Variants in SLC1A4 observed in about 807,000 individuals in gnomAD.
SLC1A4 encodes the protein solute carrier family 1 member 4.
SLC1A4 carries 19 observed loss-of-function variants against 37.7 expected under a neutral mutation model. The observed-to-expected ratio is 0.50, with a 90% confidence interval of 0.35 to 0.74. The LOEUF is 0.74. Ranked by LOEUF, SLC1A4 falls within the 30% of genes least tolerant of loss-of-function variation. SLC1A4 has a pLI of 0.01. For missense variants in SLC1A4, 570 were observed against 712.9 expected, an observed-to-expected ratio of 0.80 and a Z score of 2.28; for synonymous variants, 299 against 309.8, an observed-to-expected ratio of 0.97 and a Z score of 0.37.
rs538900003 is a variant in SLC1A4 at position 65,021,690 on chromosome 2, C to G, written c.*544C>G. On this transcript the variant is annotated 3_prime_UTR_variant, in exon 8 of 8. Transcript: ENST00000234256. ...GCTAGGTGTGGATAGCTTCTGATCC[C>G]TGGGTTCTGGGAGACTGCAGGTGCC... The G allele has an allele frequency of 6.5e-6, 1 of 154,452 alleles. No individual in the cohort carries two copies. The highest frequency in any genetic ancestry group is 2.0e-4 in the South Asian group (1 of 4,940). The allele number at this position is 154,452 out of a possible 1,614,324, so 9.6% of individuals were successfully genotyped here.
chr2:65,006,013 T>C (rs1478094030), intron 3 of SLC1A4, among the ~76,000 whole-genome samples: 2 of 150,534 alleles, frequency 1.3e-5, no homozygotes, highest in South Asian at 2.1e-4. Flanking sequence ...AATAAATAAA[T>C]AGAAAGAAAC....
intron 2 of SLC1A4, among the ~76,000 whole-genome samples, chr2:65,002,859 A>G (rs1199090361): frequency 6.6e-6 from 1 of 152,152 alleles, no homozygotes; most frequent in Non-Finnish European, 1.5e-5. Context: ...TACAGGCGTG[A>G]GCCACTGTGC....
intron 1 of SLC1A4, among the ~76,000 whole-genome samples, chr2:64,995,654 T>C (rs1673227752): frequency 6.6e-6 from 1 of 152,198 alleles, no homozygotes; most frequent in Non-Finnish European, 1.5e-5. Context: ...CTGGCTCTGT[T>C]ACAATAAATA....
chr2:65,018,205 C>T lies in SLC1A4; in HGVS notation c.1169C>T (p.Ala390Val), dbSNP rs150614530. The change falls in exon 6 of 8, where the codon GCG becomes GTG. Residue 390 changes from alanine to valine, a missense_variant. By Grantham distance (64) the Ala-to-Val change is moderately conservative. Coordinates refer to ENST00000234256, the MANE Select transcript of SLC1A4 (RefSeq NM_003038.5). The surrounding 1 kb of genome is among the most constrained non-coding windows in gnomAD (Gnocchi z 4.3). ...DGAAIFQCVA[A>V]VFIAQLNNVE... The stretch of plus-strand genomic sequence containing the variant: ...GCAGCCATCTTCCAGTGTGTGGCCG[C>T]GGTGTTCATTGCGCAACTCAACAAC... 8.1e-6 allele frequency: 13 copies of T among 1,614,064 alleles called. No homozygotes were observed. Among genetic ancestry groups the T allele is most frequent in the African/African-American group, 2.7e-5 (2 of 74,918 alleles).
chr2:64,995,864 C>T (rs1345642121), intron 1 of SLC1A4, among the ~76,000 whole-genome samples: 1 of 152,188 alleles, frequency 6.6e-6, no homozygotes, highest in Non-Finnish European at 1.5e-5. Flanking sequence ...CCACCCTTGA[C>T]AATAGGATCA....
At chr2:65,007,472 G>A (rs917062959) in intron 3 of SLC1A4, among the ~76,000 whole-genome samples, 12 of 152,148 alleles carry the variant, frequency 7.9e-5, no homozygotes, top group African/African-American at 2.9e-4. Context: ...CCCATTCAAT[G>A]CTAAGTCTGC....
chr2:65,014,810 G>A (rs150548611), intron 4 of SLC1A4, among the ~76,000 whole-genome samples: 4 of 152,346 alleles, frequency 2.6e-5, no homozygotes, highest in African/African-American at 9.6e-5. Flanking sequence ...AGTGTCGTTT[G>A]TAACGATAAA....
chr2:65,009,403 AG>A (rs913314167), intron 3 of SLC1A4, among the ~76,000 whole-genome samples: 30 of 152,072 alleles, frequency 2.0e-4, no homozygotes, highest in African/African-American at 6.7e-4. Flanking sequence ...AAAGAAAGAA[AG>A]AAAGAAAAGA....
intron 1 of SLC1A4, among the ~76,000 whole-genome samples, chr2:64,996,006 CT>C (rs1673239174): frequency 6.6e-6 from 1 of 152,162 alleles, no homozygotes; most frequent in Non-Finnish European, 1.5e-5. Context: ...ACCAGTTTTT[CT>C]GTTTGTTTTA....
At chr2:65,001,698 T>C (rs933776700) in intron 2 of SLC1A4, among the ~76,000 whole-genome samples, 1 of 152,150 alleles carries the variant, frequency 6.6e-6, no homozygotes, top group African/African-American at 2.4e-5. Context: ...AACAAAACTT[T>C]CCAAAATGTC....
chr2:65,021,104 G>A lies in SLC1A4; in HGVS notation c.1557G>A (p.Val519=), dbSNP rs775768749. Residue 519 remains valine (V), a synonymous_variant, in exon 8 of 8, where the codon GTG becomes GTA. Coordinates refer to ENST00000234256, the MANE Select transcript of SLC1A4 (RefSeq NM_003038.5). ...CACACCAGAACCCCGCTGGCCCCGT[G>A]GCCAGTGCCCCAGAACTGGAATCCA... The part of the protein sequence containing the change: ...LVTHQNPAGP[V]ASAPELESKE... The A allele has an allele frequency of 1.2e-6, 2 of 1,614,210 alleles. No individual in the cohort carries two copies. The highest frequency in any genetic ancestry group is 3.3e-5 in the Admixed American group (2 of 60,024).
intron 1 of SLC1A4, chr2:65,000,654 T>C (rs1439213911): frequency 6.6e-6 from 1 of 152,238 alleles, no homozygotes; most frequent in Non-Finnish European, 1.5e-5. Flanking sequence ...AACCACCCCA[T>C]AATTTACAAG....
Position 64,990,021 on chromosome 2 carries a change from G to A in SLC1A4, c.378G>A (p.Leu126=), listed in dbSNP as rs755772562. 2.5e-6 allele frequency: 4 copies of A among 1,602,794 alleles called. No homozygotes were observed. Among genetic ancestry groups the A allele is most frequent in the Non-Finnish European group, 3.4e-6 (4 of 1,174,798 alleles). Residue 126 remains leucine, a synonymous_variant, in exon 1 of 8, where the codon CTG becomes CTA. Transcript: ENST00000234256. The part of the protein sequence containing the change: ...IAVAYFGLTT[L]SASALAVALA... ...TCGCCTACTTTGGCCTCACCACACT[G>A]AGTGCCTCGGCGCTCGCCGTGGCCT...
At chr2:65,016,698 C>A in intron 5 of SLC1A4, 25 bp downstream of exon 5, 1 of 1,482,200 alleles carries the variant, frequency 6.7e-7, no homozygotes, top group Non-Finnish European at 9.4e-7. Flanking sequence ...GGTCTCTTCA[C>A]TGCTCTGAGC....
rs1674455877 is a variant in SLC1A4, at chr2:65,022,257, T to C, written c.*1111T>C. ...AAAATATAGAGCCCTTTCTTGCCAG[T>C]ACATCCAAGTTTAAAATTATCAGCG... On this transcript the variant is annotated 3_prime_UTR_variant, in exon 8 of 8. Coordinates refer to ENST00000234256, the MANE Select transcript of SLC1A4 (RefSeq NM_003038.5). 6.6e-6 allele frequency: 1 copy of C among 152,264 alleles called. No homozygotes were observed. The highest frequency in any genetic ancestry group is 2.4e-5 in the African/African-American group (1 of 41,474). 9.4% of individuals were successfully genotyped at this position (152,264 alleles called of 1,614,324 possible).
intron 1 of SLC1A4, among the ~76,000 whole-genome samples, chr2:64,997,827 CGTG>C (rs149347365): frequency 0.024 from 3,575 of 152,122 alleles, 127 homozygotes; most frequent in African/African-American, 0.08. Context: ...GTGGGCCGGG[CGTG>C]GTGGCTCATG....
In SLC1A4 at chr2:65,022,595, G is replaced by C. The variant is rs1398065689; in HGVS notation, c.*1449G>C. 3.1e-5 allele frequency: 4 copies of C among 128,456 alleles called. No homozygotes were observed. The East Asian group carries it at 7.7e-4, about 25-fold the overall frequency. 8.0% of individuals were successfully genotyped at this position (128,456 alleles called of 1,614,324 possible). Reference sequence around the variant, plus strand: ...TCCACAGAGTCCTTTCTGCTGGTGAGGACAGCATTTCTGAGCAGGGCTTTG... The same window carrying C: ...TCCACAGAGTCCTTTCTGCTGGTGACGACAGCATTTCTGAGCAGGGCTTTG... On this transcript the variant is annotated 3_prime_UTR_variant, in exon 8 of 8. Transcript: ENST00000234256.
At chr2:64,990,461 C>T (rs981811144) in intron 1 of SLC1A4, among the ~76,000 whole-genome samples, 1 of 152,186 alleles carries the variant, frequency 6.6e-6, no homozygotes, top group Admixed American at 6.5e-5. Context: ...CCAGCCGCCC[C>T]GCCTGTTCTT....
rs755422434 is a variant in SLC1A4 at position 65,021,925 on chromosome 2, C to G, written c.*779C>G. The G allele has an allele frequency of 1.3e-5, 2 of 152,312 alleles. No individual in the cohort carries two copies. The highest frequency in any genetic ancestry group is 2.4e-5 in the African/African-American group (1 of 41,472). The allele number at this position is 152,312 out of a possible 1,614,324, so 9.4% of individuals were successfully genotyped here. A position where few individuals can be genotyped will look rare whatever the true frequency, so the allele number is the denominator to read the frequency against. ...CAATTGTCCCAGTTCGCATCCCAGCCCTGGGGCACTTTTCTGCTTCCTTCC... is the reference window on the plus strand; with the variant it reads ...CAATTGTCCCAGTTCGCATCCCAGCGCTGGGGCACTTTTCTGCTTCCTTCC... On this transcript the variant is annotated 3_prime_UTR_variant, in exon 8 of 8. Transcript: ENST00000234256.
Sources: gnomAD v4.1 joint callset for allele counts (sites outside exome capture counted in the v4.1 genomes callset) on GRCh38, gnomAD v4.1.1 for gene constraint, Gnocchi (gnomAD v3.1) non-coding constraint, MANE v1.5 for transcripts, NCBI Gene and HGNC (gene_info 2026-07-23, HGNC 2026-07-21) for gene names.